Variants in FHIT observed in about 807,000 individuals in gnomAD.
FHIT encodes the protein bis(5'-adenosyl)-triphosphatase.
Under a neutral mutation model 17.9 loss-of-function variants are expected in FHIT, and 19 were observed. The observed-to-expected ratio is 1.06, with a 90% CI of 0.74 to 1.56. FHIT has a LOEUF of 1.56. FHIT is among the 40% of genes most tolerant of loss of function. The probability of loss-of-function intolerance (pLI) is 0.00; values close to 1 mark genes in which losing one functional copy is unlikely to be tolerated. For synonymous variants in FHIT, 81 were observed against 69.7 expected (o/e 1.16, Z -0.81); for missense variants, 248 against 189.2 (o/e 1.31, Z -1.82).
intron 1 of FHIT, among the ~76,000 whole-genome samples, chr3:61,239,762 C>CATATATAT (rs72107416): frequency 0.013 from 1,408 of 108,266 alleles, 116 homozygotes; most frequent in African/African-American, 0.06. Flanking sequence ...AACAACTGGC[C>CATATATAT]ATATATATAT....
chr3:59,940,247 C>T (rs1052222668), intron 7 of FHIT, among the ~76,000 whole-genome samples: 1 of 152,148 alleles, frequency 6.6e-6, no homozygotes, highest in East Asian at 1.9e-4. Flanking sequence ...TTGCTGCTGC[C>T]GCTGCCACGA....
chr3:60,612,222 A>C (rs1251925140), intron 4 of FHIT, among the ~76,000 whole-genome samples: 2 of 152,218 alleles, frequency 1.3e-5, no homozygotes, highest in African/African-American at 4.8e-5. Context: ...GCTAACTGTG[A>C]AACTCTCAAT....
intron 3 of FHIT, among the ~76,000 whole-genome samples, chr3:60,835,334 C>T (rs547783841): frequency 1.2e-4 from 19 of 152,252 alleles, no homozygotes; most frequent in Admixed American, 4.6e-4. Flanking sequence ...ATCTTTACTA[C>T]GCTGTGACTT....
intron 5 of FHIT, among the ~76,000 whole-genome samples, chr3:60,169,393 C>A (rs1010778711): frequency 1.3e-5 from 2 of 152,126 alleles, no homozygotes; most frequent in Non-Finnish European, 2.9e-5. Flanking sequence ...ACAGCAAAAG[C>A]ATGTTGGCTA....
At chr3:60,581,132 G>A (rs932428791) in intron 4 of FHIT, among the ~76,000 whole-genome samples, 9 of 152,042 alleles carry the variant, frequency 5.9e-5, no homozygotes, top group Non-Finnish European at 8.8e-5. Context: ...TTGCTCACTC[G>A]CACACACATT....
intron 4 of FHIT, among the ~76,000 whole-genome samples, chr3:60,556,904 G>A (rs1205692700): frequency 1.3e-5 from 2 of 152,202 alleles, no homozygotes; most frequent in African/African-American, 4.8e-5. Flanking sequence ...ATACAGCTAA[G>A]AGAAGTCATT....
At chr3:60,148,419 G>A (rs191897232) in intron 5 of FHIT, among the ~76,000 whole-genome samples, 1 of 152,166 alleles carries the variant, frequency 6.6e-6, no homozygotes, top group African/African-American at 2.4e-5. Context: ...CAGTTTGGGA[G>A]AATCTGTATA....
chr3:61,010,550 A>T (rs1366513083), intron 3 of FHIT, among the ~76,000 whole-genome samples: 1 of 152,182 alleles, frequency 6.6e-6, no homozygotes, highest in Admixed American at 6.5e-5. Flanking sequence ...TGCTTGGTAA[A>T]TCTGGACTAA....
chr3:60,235,901 G>A (rs189546611), intron 5 of FHIT, among the ~76,000 whole-genome samples: 440 of 152,226 alleles, frequency 2.9e-3, no homozygotes, highest in Middle Eastern at 3.4e-3. Flanking sequence ...TCACTAGAGC[G>A]TTCAATTGGC....
At chr3:61,040,836 C>A (rs926694306) in intron 3 of FHIT, among the ~76,000 whole-genome samples, 11 of 152,316 alleles carry the variant, frequency 7.2e-5, no homozygotes, top group East Asian at 1.9e-4. Context: ...CCGATGGAAA[C>A]TCTTTGCCTC....
chr3:60,862,835 G>T (rs1173481786), intron 3 of FHIT, among the ~76,000 whole-genome samples: 1 of 143,918 alleles, frequency 6.9e-6, no homozygotes, highest in Non-Finnish European at 1.5e-5. Context: ...TTGGGCGACA[G>T]AGTGAAACTC....
chr3:60,346,782 T>G (rs746635044), intron 5 of FHIT, among the ~76,000 whole-genome samples: 1 of 152,162 alleles, frequency 6.6e-6, no homozygotes, highest in African/African-American at 2.4e-5. Context: ...ATCCTTTTAT[T>G]AAGGCAGAAA....
chr3:59,906,242 G>A (rs1038140368), intron 8 of FHIT, among the ~76,000 whole-genome samples: 2 of 152,284 alleles, frequency 1.3e-5, no homozygotes, highest in East Asian at 1.9e-4. Context: ...TTTTTTGATT[G>A]TGTGTGTGTT....
chr3:60,485,762 T>A (rs2033811628), intron 5 of FHIT, among the ~76,000 whole-genome samples: 1 of 152,092 alleles, frequency 6.6e-6, no homozygotes, highest in Non-Finnish European at 1.5e-5. Context: ...ACGTGTATCC[T>A]GGAATCTAAA....
chr3:60,172,653 C>G (rs1701472851), intron 5 of FHIT, among the ~76,000 whole-genome samples: 1 of 152,144 alleles, frequency 6.6e-6, no homozygotes, highest in African/African-American at 2.4e-5. Context: ...ACGGAAAGAA[C>G]AGCAGGAACA....
intron 5 of FHIT, among the ~76,000 whole-genome samples, chr3:60,500,676 G>C (rs2034486834): frequency 6.7e-6 from 1 of 149,636 alleles, no homozygotes; most frequent in East Asian, 2.0e-4. Context: ...GGGAGGCTGA[G>C]GCAGGAGAAT....
At chr3:60,807,172 G>A (rs1237942533) in intron 4 of FHIT, among the ~76,000 whole-genome samples, 13 of 152,158 alleles carry the variant, frequency 8.5e-5, no homozygotes, top group Non-Finnish European at 1.9e-4. Flanking sequence ...TCTAGAAGTT[G>A]TAGAATTTAT....
At chr3:60,699,899 T>G (rs1321117774) in intron 4 of FHIT, among the ~76,000 whole-genome samples, 1 of 151,810 alleles carries the variant, frequency 6.6e-6, no homozygotes, top group Admixed American at 6.6e-5. Flanking sequence ...ATCCCAACAC[T>G]TTGGGAGGCC....
At chr3:60,887,057 A>G (rs943157753) in intron 3 of FHIT, among the ~76,000 whole-genome samples, 5 of 152,244 alleles carry the variant, frequency 3.3e-5, no homozygotes, top group Non-Finnish European at 2.9e-5. Flanking sequence ...AACGATTGAT[A>G]TAAAAAGTTT....
Sources: allele counts gnomAD v4.1 joint callset (sites outside exome capture counted in the v4.1 genomes callset), GRCh38; gene constraint gnomAD v4.1.1; transcripts MANE v1.5; gene names NCBI Gene and HGNC (gene_info 2026-07-23, HGNC 2026-07-21).